DNM3: variants seen among roughly 807,000 people sequenced by gnomAD.
DNM3 encodes dynamin-3.
Under a neutral mutation model 101.6 loss-of-function variants are expected in DNM3, and 47 were observed. That is an observed-to-expected ratio of 0.46 (90% CI 0.37 to 0.59). The LOEUF is 0.59. DNM3 is among the 20% of genes least tolerant of loss of function. The pLI is 0.00. For missense variants in DNM3, 849 were observed against 1,085.7 expected (o/e 0.78, Z 3.06); for synonymous variants, 385 against 387.9 (o/e 0.99, Z 0.09).
intron 13 of DNM3, among the ~76,000 whole-genome samples, chr1:172,123,240 T>A (rs2056423734): frequency 6.6e-6 from 1 of 152,226 alleles, no homozygotes; most frequent in African/African-American, 2.4e-5. Context: ...TTTGATTATT[T>A]TGTGTCTCAA....
At chr1:171,946,444 A>T (rs1291981124) in intron 2 of DNM3, among the ~76,000 whole-genome samples, 2 of 152,080 alleles carry the variant, frequency 1.3e-5, no homozygotes, top group African/African-American at 4.8e-5. Flanking sequence ...GGGAGATATG[A>T]TAGCTTTGTG....
intron 14 of DNM3, chr1:172,133,063 G>A (rs2057026867): frequency 1.4e-6 from 2 of 1,451,734 alleles, no homozygotes; most frequent in South Asian, 1.5e-5. Context: ...TCCCACAGAG[G>A]ACTTATGAAG....
At chr1:172,079,749 C>T (rs1056594263) in intron 11 of DNM3, among the ~76,000 whole-genome samples, 1 of 152,080 alleles carries the variant, frequency 6.6e-6, no homozygotes, top group Non-Finnish European at 1.5e-5. Flanking sequence ...TTTTCCTCAT[C>T]TTTGTGGATT....
chr1:172,377,000 T>G (rs2068635023), intron 17 of DNM3, among the ~76,000 whole-genome samples: 1 of 152,080 alleles, frequency 6.6e-6, no homozygotes, highest in African/African-American at 2.4e-5. Flanking sequence ...AAAATGTGGA[T>G]GCTAATATAA....
chr1:172,160,373 T>C (rs758915833), intron 14 of DNM3, among the ~76,000 whole-genome samples: 4 of 152,038 alleles, frequency 2.6e-5, no homozygotes, highest in South Asian at 2.1e-4. Flanking sequence ...TTAACAACTG[T>C]AAAAAAAATT....
chr1:172,404,892 G>A (rs2070766983), intron 20 of DNM3, among the ~76,000 whole-genome samples: 1 of 152,022 alleles, frequency 6.6e-6, no homozygotes. Flanking sequence ...AAGTCATGTA[G>A]CATGAAGCAG....
At chr1:172,233,074 C>A (rs1266843425) in intron 14 of DNM3, among the ~76,000 whole-genome samples, 1 of 152,102 alleles carries the variant, frequency 6.6e-6, no homozygotes, top group Non-Finnish European at 1.5e-5. Context: ...CACAAAAACC[C>A]TTCAAAAAAT....
chr1:171,847,551 T>C (rs2032316699), intron 1 of DNM3, among the ~76,000 whole-genome samples: 1 of 151,318 alleles, frequency 6.6e-6, no homozygotes, highest in African/African-American at 2.4e-5. Context: ...AAAAAAGAGA[T>C]TGGAGAGATT....
At chr1:171,899,928 G>C (rs1442177142) in intron 1 of DNM3, among the ~76,000 whole-genome samples, 1 of 152,232 alleles carries the variant, frequency 6.6e-6, no homozygotes, top group African/African-American at 2.4e-5. Flanking sequence ...GGACAAATGG[G>C]CAAGGGAGAA....
chr1:171,893,305 C>T (rs1037861046), intron 1 of DNM3, among the ~76,000 whole-genome samples: 1 of 151,862 alleles, frequency 6.6e-6, no homozygotes, highest in African/African-American at 2.4e-5. Flanking sequence ...CATGTATTTG[C>T]CAATACATAC....
intron 14 of DNM3, among the ~76,000 whole-genome samples, chr1:172,252,225 C>T (rs1055633320): frequency 2.0e-5 from 3 of 152,064 alleles, no homozygotes; most frequent in Admixed American, 6.6e-5. Flanking sequence ...CCTGTTCACA[C>T]GTGACTTTAT....
chr1:172,379,256 C>T, intron 18 of DNM3, 74 bp downstream of exon 18: 1 of 1,252,536 alleles, frequency 8.0e-7, no homozygotes, highest in Non-Finnish European at 1.1e-6. Flanking sequence ...TTATCTTCAG[C>T]TTCTTTGTGT....
intron 1 of DNM3, among the ~76,000 whole-genome samples, chr1:171,877,302 CAT>C (rs1179480810): frequency 6.6e-6 from 1 of 152,152 alleles, no homozygotes. Flanking sequence ...ATCTATTAAA[CAT>C]ATTCTTAAAT....
At chr1:172,149,683 T>G (rs1415708243) in intron 14 of DNM3, among the ~76,000 whole-genome samples, 2 of 152,182 alleles carry the variant, frequency 1.3e-5, no homozygotes, top group Non-Finnish European at 2.9e-5. Context: ...CTCAGGTCAC[T>G]GACAATTTTA....
chr1:171,937,426 T>C (rs2041512328), intron 2 of DNM3, among the ~76,000 whole-genome samples: 2 of 152,202 alleles, frequency 1.3e-5, no homozygotes. Flanking sequence ...ATTCATAGTT[T>C]AAATCTCTTT....
chr1:172,142,885 A>G (rs1239791892), intron 14 of DNM3, among the ~76,000 whole-genome samples: 9 of 151,800 alleles, frequency 5.9e-5, no homozygotes. Flanking sequence ...TAGTTTTCTT[A>G]TGTAAAAGAA....
chr1:171,905,867 AG>A (rs2038781233), intron 1 of DNM3, among the ~76,000 whole-genome samples: 1 of 149,216 alleles, frequency 6.7e-6, no homozygotes, highest in African/African-American at 2.5e-5. Flanking sequence ...TATTGTCTCA[AG>A]ACAAAAAAAA....
intron 1 of DNM3, among the ~76,000 whole-genome samples, chr1:171,846,247 GGT>G (rs35549466): frequency 0.61 from 92,777 of 151,760 alleles, 28,679 homozygotes; most frequent in East Asian, 0.8. Flanking sequence ...ATTCACAGTT[GGT>G]GGTACTTAAT....
intron 2 of DNM3, among the ~76,000 whole-genome samples, chr1:171,942,227 G>A (rs1444947556): frequency 3.5e-5 from 2 of 57,766 alleles, no homozygotes; most frequent in African/African-American, 1.2e-4. Flanking sequence ...TTTTTTTTAT[G>A]GAATAAGGGA....
Sources: gnomAD v4.1 joint callset for allele counts (sites outside exome capture counted in the v4.1 genomes callset) on GRCh38, gnomAD v4.1.1 for gene constraint, MANE v1.5 for transcripts, NCBI Gene and HGNC (gene_info 2026-07-23, HGNC 2026-07-21) for gene names.